Variants in BRAF observed in about 807,000 individuals in gnomAD.
BRAF encodes the protein serine/threonine-protein kinase B-raf.
BRAF carries 16 observed loss-of-function variants against 104.6 expected under a neutral mutation model. The observed-to-expected ratio is 0.15, with a 90% CI of 0.10 to 0.23. The LOEUF (loss-of-function observed/expected upper bound fraction) is 0.23, where lower values mean the gene tolerates loss of function less well. BRAF is among the 10% of genes least tolerant of loss of function. The probability of loss-of-function intolerance (pLI) is 1.00; values close to 1 mark genes in which losing one functional copy is unlikely to be tolerated. For missense variants in BRAF, 541 were observed against 937.3 expected (o/e 0.58, Z 5.52); for synonymous variants, 310 against 341.6 (o/e 0.91, Z 1.02).
chr7:140,920,978 G>A (rs559232684), intron 1 of BRAF, among the ~76,000 whole-genome samples: 1 of 152,142 alleles, frequency 6.6e-6, no homozygotes, highest in African/African-American at 2.4e-5. Context: ...TTGCAAAGAT[G>A]TATTTTAATA....
chr7:140,788,732 G>C (rs953782351), intron 8 of BRAF, among the ~76,000 whole-genome samples: 1 of 152,026 alleles, frequency 6.6e-6, no homozygotes, highest in Admixed American at 6.6e-5. Context: ...GGGACTACAA[G>C]CACGCACCAC....
At chr7:140,733,008 C>T (rs1300650120) in intron 19 of BRAF, 1 of 152,120 alleles carries the variant, frequency 6.6e-6, no homozygotes, top group Non-Finnish European at 1.5e-5. Flanking sequence ...AGTTGTACTT[C>T]TTTATTCCTT....
chr7:140,884,422 A>G (rs1184756407), intron 1 of BRAF, among the ~76,000 whole-genome samples: 1 of 137,504 alleles, frequency 7.3e-6, no homozygotes, highest in Non-Finnish European at 1.6e-5. Context: ...TTATATATAT[A>G]TAAGATATGT....
chr7:140,714,173 C>T, the BRAF span, among the ~76,000 whole-genome samples: 2 of 152,194 alleles, frequency 1.3e-5, no homozygotes, highest in Non-Finnish European at 2.9e-5. Context: ...CTGCATCGCT[C>T]ACGCTGGGAG....
Position 140,778,073 on chromosome 7 carries a change from C to A in BRAF, c.1555G>T (p.Asp519Tyr), listed in dbSNP as rs2129019719. The change falls in exon 13 of 20, where the codon GAT becomes TAT. Residue 519 changes from aspartate (D) to tyrosine (Y), a missense_variant and splice_region_variant. Around this residue, in one of 10 missense-constraint regions of BRAF, gnomAD observed 109 missense variants for 143.9 expected, o/e 0.76. Transcript: ENST00000644969. ...ACATTCAACATTTTCACTGCCACAT[C>A]ACCTAAAAGGCAATTGTTACTCCAA... ...GTVYKGKWHG[D>Y]VAVKMLNVTA... 6.2e-7 allele frequency: 1 copy of A among 1,613,282 alleles called. No homozygotes were observed. The highest frequency in any genetic ancestry group is 8.5e-7 in the Non-Finnish European group (1 of 1,179,672).
At chr7:140,788,344 A>G (rs1362074480) in intron 8 of BRAF, among the ~76,000 whole-genome samples, 1 of 152,214 alleles carries the variant, frequency 6.6e-6, no homozygotes, top group Admixed American at 6.5e-5. Flanking sequence ...CTAAAAAGTT[A>G]TAAATAATTA....
rs760401887 is a variant in BRAF, at chr7:140,775,349, C to CT, written c.1814+1562dup. Among the ~76,000 whole-genome samples the CT allele has an allele frequency of 5.4e-3, 770 of 141,882 alleles. 6 individuals are homozygous for CT. The highest frequency in any genetic ancestry group is 0.016 in the East Asian group (80 of 4,908). 93.1% of individuals were successfully genotyped at this position (141,882 alleles called of 152,430 possible). ...GTTTACTCTTCACAAGATTTTAATTCTTTTTTTTTTTTTTTGAGACGGAAT... is the reference window on the plus strand; with the variant it reads ...GTTTACTCTTCACAAGATTTTAATTCTTTTTTTTTTTTTTTTGAGACGGAAT... On this transcript the variant is annotated intron_variant, in intron 14 of 19. Transcript: ENST00000644969.
At chr7:140,797,190 C>T (rs1242783948) in intron 7 of BRAF, among the ~76,000 whole-genome samples, 1 of 152,148 alleles carries the variant, frequency 6.6e-6, no homozygotes, top group Non-Finnish European at 1.5e-5. Flanking sequence ...TAATACCCTT[C>T]AGCAAATTAC....
At chr7:140,832,136 T>G (rs1245015862) in intron 3 of BRAF, among the ~76,000 whole-genome samples, 1 of 152,232 alleles carries the variant, frequency 6.6e-6, no homozygotes, top group Non-Finnish European at 1.5e-5. Context: ...ATCATTTCAA[T>G]GAAATTTCTG....
chr7:140,786,649 G>T (rs1019230974), intron 9 of BRAF, among the ~76,000 whole-genome samples: 1 of 152,118 alleles, frequency 6.6e-6, no homozygotes, highest in Non-Finnish European at 1.5e-5. Flanking sequence ...GACCTAAGAA[G>T]AGGACAAATG....
intron 5 of BRAF, among the ~76,000 whole-genome samples, chr7:140,802,758 A>C (rs1001550842): frequency 2.0e-5 from 3 of 152,242 alleles, no homozygotes; most frequent in Non-Finnish European, 4.4e-5. Context: ...AAAGTTAAAA[A>C]AAATTAAACC....
At position 140,872,245 on chromosome 7, in the gene BRAF, T is replaced by TGAATA. The variant is rs1811687341; in HGVS notation, c.139-22034_139-22033insTATTC. 1.3e-4 allele frequency among the ~76,000 whole-genome samples: 16 copies of TGAATA among 127,432 alleles called. No individual in the cohort carries two copies. In the South Asian group the frequency reaches 1.6e-3, roughly 13 times the overall value. 83.6% of individuals were successfully genotyped at this position (127,432 alleles called of 152,430 possible). ...TAAATAAATAAATAAATAAATAAAT[T>TGAATA]GCACAGAACAAGCTTGAAATTTAAA... On this transcript the variant is annotated intron_variant, in intron 1 of 19. Transcript: ENST00000644969.
intron 3 of BRAF, among the ~76,000 whole-genome samples, chr7:140,820,258 A>T (rs1048831168): frequency 2.6e-5 from 4 of 152,206 alleles, no homozygotes; most frequent in African/African-American, 9.6e-5. Context: ...AGTTTCATAC[A>T]CTTGTTGAGA....
At position 140,870,800 on chromosome 7, in the gene BRAF, T is replaced by TC. The variant is rs1811491251; in HGVS notation, c.139-20589dup. On this transcript the variant is annotated intron_variant, in intron 1 of 19. Transcript: ENST00000644969. ...GGCAGTAATTCTGGCTCACTTTTCT[T>TC]CAAGAATTTTTTTTCTTTTACTTCT... Among the ~76,000 whole-genome samples, 3 of 151,860 alleles carry TC rather than the reference T, an allele frequency of 2.0e-5. No homozygotes were observed. In the South Asian group the frequency reaches 6.2e-4, roughly 32 times the overall value.
chr7:140,745,532 C>T (rs909763632), intron 17 of BRAF, among the ~76,000 whole-genome samples: 1 of 152,182 alleles, frequency 6.6e-6, no homozygotes, highest in African/African-American at 2.4e-5. Context: ...GTGGCACATA[C>T]ACAACGAAAC....
intron 1 of BRAF, among the ~76,000 whole-genome samples, chr7:140,922,720 T>C (rs532540059): frequency 6.6e-6 from 1 of 152,296 alleles, no homozygotes; most frequent in East Asian, 1.9e-4. Flanking sequence ...ATGTGACCCC[T>C]AGTATTTATC....
At chr7:140,857,525 C>T (rs1012672285) in intron 1 of BRAF, among the ~76,000 whole-genome samples, 2 of 152,056 alleles carry the variant, frequency 1.3e-5, no homozygotes, top group Non-Finnish European at 2.9e-5. Flanking sequence ...AATCTAGAGA[C>T]TAATATACAT....
At position 140,744,390 on chromosome 7, in the gene BRAF, C is replaced by T. The variant is rs371031209; in HGVS notation, c.2113-4444G>A. Among the ~76,000 whole-genome samples the T allele has an allele frequency of 1.5e-4, 23 of 152,358 alleles. 1 individual carries two copies. The highest frequency in any genetic ancestry group is 4.1e-4 in the African/African-American group (17 of 41,580). ...GGGTGACAGGAAGCTCCAACAAGAA[C>T]GCTTCTGAATTCTGTCCTATGAGTC... On this transcript the variant is annotated intron_variant, in intron 17 of 19. Transcript: ENST00000644969.
chr7:140,832,790 C>A (rs1806912652), intron 3 of BRAF, among the ~76,000 whole-genome samples: 1 of 151,430 alleles, frequency 6.6e-6, no homozygotes, highest in East Asian at 1.9e-4. Flanking sequence ...GTTTTTATTT[C>A]TTTTTAAAAG....
Sources: allele counts gnomAD v4.1 joint callset (sites outside exome capture counted in the v4.1 genomes callset), GRCh38; gene constraint gnomAD v4.1.1; regional missense constraint gnomAD v4.1.1; transcripts MANE v1.5; gene names NCBI Gene and HGNC (gene_info 2026-07-23, HGNC 2026-07-21).